Variants in KCNIP4 observed in about 807,000 individuals in gnomAD.
The protein encoded by KCNIP4 is potassium voltage-gated channel interacting protein 4.
A neutral mutation model predicts 34.0 loss-of-function variants in KCNIP4; 12 were observed. That is an observed-to-expected ratio of 0.35 (90% CI 0.23 to 0.57). The LOEUF is 0.57. Ranked by LOEUF, KCNIP4 falls within the 20% of genes least tolerant of loss-of-function variation. The probability of loss-of-function intolerance (pLI) is 0.83; values close to 1 mark genes in which losing one functional copy is unlikely to be tolerated. For synonymous variants in KCNIP4, 124 were observed against 102.2 expected (o/e 1.21, Z -1.29); for missense variants, 238 against 311.7 (o/e 0.76, Z 1.78).
intron 1 of KCNIP4, among the ~76,000 whole-genome samples, chr4:20,976,143 A>G (rs75930647): frequency 1.3e-4 from 20 of 152,246 alleles, no homozygotes; most frequent in African/African-American, 3.4e-4. Context: ...TTTCCAACTT[A>G]TTACCTAACT....
chr4:21,718,657 A>G (rs1714571770), intron 1 of KCNIP4: 1 of 152,058 alleles, frequency 6.6e-6, no homozygotes, highest in Non-Finnish European at 1.5e-5. Flanking sequence ...AATAATTTTC[A>G]TTTTGCTAAT....
At chr4:21,663,903 T>C (rs1455658243) in intron 1 of KCNIP4, among the ~76,000 whole-genome samples, 1 of 152,200 alleles carries the variant, frequency 6.6e-6, no homozygotes, top group African/African-American at 2.4e-5. Flanking sequence ...CTAAATAACT[T>C]CAGAGCTAGA....
At chr4:21,669,815 C>G (rs148230445) in intron 1 of KCNIP4, among the ~76,000 whole-genome samples, 1 of 152,102 alleles carries the variant, frequency 6.6e-6, no homozygotes, top group African/African-American at 2.4e-5. Context: ...ACATAAACAC[C>G]AAGGCTGAAA....
At chr4:21,108,034 T>C in intron 1 of KCNIP4, among the ~76,000 whole-genome samples, 1 of 151,260 alleles carries the variant, frequency 6.6e-6, no homozygotes, top group African/African-American at 2.5e-5. Flanking sequence ...GCCCTTAACA[T>C]TTTTTCCTTC....
chr4:21,152,790 G>T (rs1357679981), intron 1 of KCNIP4, among the ~76,000 whole-genome samples: 2 of 152,176 alleles, frequency 1.3e-5, no homozygotes, highest in Non-Finnish European at 2.9e-5. Flanking sequence ...CGCGGCATTA[G>T]ATTCTCATAC....
At chr4:21,206,371 TCAAA>T (rs1183694679) in intron 1 of KCNIP4, among the ~76,000 whole-genome samples, 11 of 152,158 alleles carry the variant, frequency 7.2e-5, no homozygotes, top group African/African-American at 2.4e-4. Flanking sequence ...TTCCTGAGAG[TCAAA>T]CAGACTTATC....
intron 1 of KCNIP4, among the ~76,000 whole-genome samples, chr4:21,790,183 A>G (rs4697238): frequency 0.92 from 132,609 of 143,952 alleles, 60,804 homozygotes; most frequent in East Asian, 1. Context: ...ATGAGAGGCT[A>G]GAAGAAATAA....
intron 1 of KCNIP4, among the ~76,000 whole-genome samples, chr4:21,040,849 G>GT (rs376094669): frequency 0.023 from 3,378 of 147,278 alleles, 131 homozygotes; most frequent in African/African-American, 0.079. Context: ...TATAAGAAGC[G>GT]TTTTTTTTTC....
chr4:21,181,590 G>A (rs1358040297), intron 1 of KCNIP4, among the ~76,000 whole-genome samples: 2 of 152,086 alleles, frequency 1.3e-5, no homozygotes, highest in African/African-American at 2.4e-5. Flanking sequence ...GGTATAATGA[G>A]CTGTGAAGCT....
At chr4:21,515,733 C>G (rs937771000) in intron 1 of KCNIP4, among the ~76,000 whole-genome samples, 1 of 152,152 alleles carries the variant, frequency 6.6e-6, no homozygotes, top group Non-Finnish European at 1.5e-5. Flanking sequence ...GGTTCATTAT[C>G]CCAAAAGTGG....
intron 1 of KCNIP4, among the ~76,000 whole-genome samples, chr4:21,874,964 A>C (rs1453989450): frequency 1.3e-5 from 2 of 152,180 alleles, no homozygotes; most frequent in Non-Finnish European, 2.9e-5. Flanking sequence ...GCTGGGAAGG[A>C]GGCATATTTG....
chr4:21,036,350 T>A (rs1741441676), intron 1 of KCNIP4, among the ~76,000 whole-genome samples: 1 of 152,306 alleles, frequency 6.6e-6, no homozygotes, highest in South Asian at 2.1e-4. Context: ...CATTTTATGC[T>A]AAGCACAGGC....
rs114265388 is a variant in KCNIP4 at position 21,315,200 on chromosome 4, C to T, written c.62-432491G>A. The T allele has an allele frequency of 7.5e-3, 1,149 of 152,640 alleles. 23 individuals are homozygous for T. The highest frequency in any genetic ancestry group is 0.026 in the African/African-American group (1,078 of 41,570). The allele number at this position is 152,640 out of a possible 1,614,324, so 9.5% of individuals were successfully genotyped here. ...ACGACATAGGTTAGAGCCCCACAGA[C>T]CAACTTATACACAGACTTCTATCTC... On this transcript the variant is annotated intron_variant, in intron 1 of 8. Coordinates refer to ENST00000382152, the MANE Select transcript of KCNIP4 (RefSeq NM_025221.6).
chr4:21,817,411 G>A (rs1306598793), intron 1 of KCNIP4, among the ~76,000 whole-genome samples: 1 of 152,090 alleles, frequency 6.6e-6, no homozygotes, highest in East Asian at 1.9e-4. Flanking sequence ...AAACATGTGT[G>A]TTTGCACAAT....
At chr4:21,843,084 AAAG>A (rs1342298674) in intron 1 of KCNIP4, among the ~76,000 whole-genome samples, 2 of 152,100 alleles carry the variant, frequency 1.3e-5, no homozygotes, top group East Asian at 3.9e-4. Flanking sequence ...AAATTCTCTT[AAAG>A]AAGGGTAAAA....
At chr4:21,214,029 T>G (rs1466293663) in intron 1 of KCNIP4, among the ~76,000 whole-genome samples, 2 of 152,220 alleles carry the variant, frequency 1.3e-5, no homozygotes, top group African/African-American at 4.8e-5. Context: ...GCAATTGATA[T>G]ATCCTCTTCT....
At chr4:21,229,131 C>A (rs1351209273) in intron 1 of KCNIP4, among the ~76,000 whole-genome samples, 2 of 152,050 alleles carry the variant, frequency 1.3e-5, no homozygotes, top group Non-Finnish European at 2.9e-5. Context: ...TGCTTTTTGC[C>A]CCTTCTGCCT....
intron 1 of KCNIP4, among the ~76,000 whole-genome samples, chr4:21,463,214 T>C (rs1015935101): frequency 6.6e-6 from 1 of 152,174 alleles, no homozygotes; most frequent in Non-Finnish European, 1.5e-5. Flanking sequence ...TCATTCTAAC[T>C]GGAGTAAGGT....
chr4:21,705,401 G>A (rs1383521867), intron 1 of KCNIP4, among the ~76,000 whole-genome samples: 1 of 152,050 alleles, frequency 6.6e-6, no homozygotes, highest in Non-Finnish European at 1.5e-5. Context: ...TGTATTATTT[G>A]CTTATAATTC....
Sources: gnomAD v4.1 joint callset for allele counts (sites outside exome capture counted in the v4.1 genomes callset) on GRCh38, gnomAD v4.1.1 for gene constraint, MANE v1.5 for transcripts, NCBI Gene and HGNC (gene_info 2026-07-23, HGNC 2026-07-21) for gene names.